POLR1C: variants seen among roughly 807,000 people sequenced by gnomAD.
The protein encoded by POLR1C is DNA-directed RNA polymerases I and III subunit RPAC1.
In POLR1C, 42 loss-of-function variants were observed where a neutral mutation model predicts 38.3. The ratio of observed to expected loss-of-function variants is 1.10; its 90% confidence interval spans 0.86 to 1.42. The LOEUF (loss-of-function observed/expected upper bound fraction) is 1.42. Among genes scored for constraint, POLR1C ranks in the 40% most tolerant of loss-of-function variants. POLR1C has a pLI of 0.00. For missense variants in POLR1C, 507 were observed against 450.5 expected, an observed-to-expected ratio of 1.13 and a Z score of -1.14; for synonymous variants, 163 against 163.9, an observed-to-expected ratio of 0.99 and a Z score of 0.04.
At chr6:43,552,481 TA>T (rs1795280211) in intron 10 of POLR1C, among the ~76,000 whole-genome samples, 1 of 152,154 alleles carries the variant, frequency 6.6e-6, no homozygotes, top group Non-Finnish European at 1.5e-5. Context: ...GCCTCCCAAG[TA>T]GCTGGGATTA....
chr6:43,549,380 T>C, intron 9 of POLR1C: 1 of 1,122,152 alleles, frequency 8.9e-7, no homozygotes, highest in Non-Finnish European at 1.3e-6. Context: ...GCTTATATGA[T>C]GCAAAGCTAT....
intron 8 of POLR1C, among the ~76,000 whole-genome samples, chr6:43,528,465 C>CCCTAGACATACCTGT (rs551505717): frequency 6.3e-4 from 96 of 152,192 alleles, no homozygotes; most frequent in African/African-American, 2.2e-3. Flanking sequence ...ATTCCTGGGT[C>CCCTAGACATACCTGT]TCTAGACATA....
intron 9 of POLR1C, among the ~76,000 whole-genome samples, chr6:43,538,308 C>G (rs1418077818): frequency 6.6e-6 from 1 of 151,688 alleles, no homozygotes; most frequent in Non-Finnish European, 1.5e-5. Flanking sequence ...CACCACCACA[C>G]CTGGTTACTT....
At chr6:43,521,999 ACATT>A (rs1043248874), downstream of POLR1C, among the ~76,000 whole-genome samples, 117 of 152,296 alleles carry the variant, frequency 7.7e-4, no homozygotes, top group African/African-American at 2.7e-3. Flanking sequence ...CCCTAGAAAA[ACATT>A]CAAGCTAGAG....
chr6:43,531,470 G>C (rs987647430), downstream of POLR1C: 2 of 1,610,096 alleles, frequency 1.2e-6, no homozygotes, highest in Non-Finnish European at 1.7e-6. Flanking sequence ...GGCAGCATTG[G>C]TTCCTTACCA....
intron 8 of POLR1C, chr6:43,527,341 G>A (rs1793660308): frequency 1.2e-5 from 3 of 255,482 alleles, no homozygotes; most frequent in South Asian, 5.3e-5. Context: ...GCGTGATTTC[G>A]GCTCACTGCA....
Position 43,520,301 on chromosome 6 carries a change from C to G in POLR1C, c.529C>G (p.Pro177Ala). Reference sequence around the variant, plus strand: ...GTATACCAGGCATATGACATGGATCCCCCTGGGGAACCAGGCTGATCTCTT... The same window carrying G: ...GTATACCAGGCATATGACATGGATCGCCCTGGGGAACCAGGCTGATCTCTT... The part of the protein sequence containing the change: ...KVYTRHMTWI[P>A]LGNQADLFPE... The change falls in exon 6 of 9, where the codon CCC (proline) becomes GCC (alanine). Residue 177 changes from proline to alanine, a missense_variant. Physicochemically the swap from Pro to Ala is conservative, Grantham distance 27. Transcript: ENST00000642195. 6.2e-7 allele frequency: 1 copy of G among 1,613,042 alleles called. No individual in the cohort carries two copies. Among genetic ancestry groups the G allele is most frequent in the South Asian group, 1.1e-5 (1 of 91,084 alleles).
At chr6:43,525,661 GGA>G, downstream of POLR1C, 2 of 630,120 alleles carry the variant, frequency 3.2e-6, no homozygotes, top group Non-Finnish European at 5.4e-6. Context: ...TGCTGGTATG[GGA>G]GACACCATGG....
intron 9 of POLR1C, among the ~76,000 whole-genome samples, chr6:43,538,121 T>C (rs1180941752): frequency 6.9e-6 from 1 of 145,704 alleles, no homozygotes; most frequent in Non-Finnish European, 1.5e-5. Context: ...ACTTATAAAT[T>C]TAGAGCCTAA....
intron 9 of POLR1C, among the ~76,000 whole-genome samples, chr6:43,542,432 T>G (rs1470048154): frequency 6.6e-6 from 1 of 152,052 alleles, no homozygotes; most frequent in African/African-American, 2.4e-5. Flanking sequence ...TTTTTTGAGA[T>G]GGAGTCTTAC....
At chr6:43,537,686 AAAC>A (rs1794421710) in intron 9 of POLR1C, among the ~76,000 whole-genome samples, 1 of 152,234 alleles carries the variant, frequency 6.6e-6, no homozygotes, top group African/African-American at 2.4e-5. Flanking sequence ...AGACAAGATC[AAAC>A]AATACTCCAG....
chr6:43,536,465 A>C (rs1363056347), intron 9 of POLR1C, among the ~76,000 whole-genome samples: 1 of 150,860 alleles, frequency 6.6e-6, no homozygotes, highest in Non-Finnish European at 1.5e-5. Context: ...TATGGTCTAG[A>C]AGTTTTACTT....
At chr6:43,551,388 G>A in intron 10 of POLR1C, 1 of 1,613,842 alleles carries the variant, frequency 6.2e-7, no homozygotes. Flanking sequence ...ACAGGATGAG[G>A]GGATCCTTGG....
exon 9 of POLR1C, chr6:43,529,478 T>C (rs1793820687): frequency 1.1e-5 from 3 of 280,522 alleles, no homozygotes; most frequent in South Asian, 8.8e-5. Flanking sequence ...GGTGTGAACC[T>C]GGGAGGCGAA....
downstream of POLR1C, chr6:43,529,689 G>A (rs1173434832): frequency 6.3e-6 from 1 of 159,692 alleles, no homozygotes; most frequent in Admixed American, 6.1e-5. Context: ...TGGAGGCTGA[G>A]GCAGGAGAAT....
At chr6:43,562,268 G>A in exon 11 of POLR1C, 1 of 1,607,764 alleles carries the variant, frequency 6.2e-7, no homozygotes, top group Non-Finnish European at 8.5e-7. Flanking sequence ...ACAGCTGATT[G>A]CCCAGCGCAC....
chr6:43,549,148 G>A (rs1204357018), intron 9 of POLR1C, among the ~76,000 whole-genome samples: 2 of 152,056 alleles, frequency 1.3e-5, no homozygotes, highest in African/African-American at 4.8e-5. Flanking sequence ...TGCAACCTCC[G>A]CCTCCTGAGT....
intron 10 of POLR1C, chr6:43,551,482 A>G (rs1795225786): frequency 3.1e-6 from 5 of 1,605,752 alleles, no homozygotes; most frequent in Non-Finnish European, 4.2e-6. Flanking sequence ...ACAGGTTGAC[A>G]ATGGCTGCCT....
At chr6:43,538,139 C>CTTATTTT (rs1794462064) in intron 9 of POLR1C, among the ~76,000 whole-genome samples, 1 of 48,920 alleles carries the variant, frequency 2.0e-5, no homozygotes, top group African/African-American at 8.3e-5. Context: ...TAAGAGACAT[C>CTTATTTT]TTTTTTTTTT....
Sources: gnomAD v4.1 joint callset for allele counts (sites outside exome capture counted in the v4.1 genomes callset) on GRCh38, gnomAD v4.1.1 for gene constraint, MANE v1.5 for transcripts, NCBI Gene and HGNC (gene_info 2026-07-23, HGNC 2026-07-21) for gene names.